CNTN5: variants seen among roughly 807,000 people sequenced by gnomAD.
CNTN5 encodes the protein contactin-5.
Under a neutral mutation model 129.1 loss-of-function variants are expected in CNTN5, and 77 were observed. The ratio of observed to expected loss-of-function variants is 0.60; its 90% CI spans 0.50 to 0.72. The LOEUF is 0.72. CNTN5 is among the 30% of genes least tolerant of loss of function. The pLI, the probability that CNTN5 is intolerant of heterozygous loss-of-function variation, is 0.00. For missense variants in CNTN5, 1,478 were observed against 1,328.8 expected, an observed-to-expected ratio of 1.11 and a Z score of -1.75; for synonymous variants, 509 against 465.6, an observed-to-expected ratio of 1.09 and a Z score of -1.20.
chr11:100,042,923 T>G (rs935098474), intron 9 of CNTN5, among the ~76,000 whole-genome samples: 1 of 152,184 alleles, frequency 6.6e-6, no homozygotes, highest in Non-Finnish European at 1.5e-5. Flanking sequence ...TGAACAGATA[T>G]AATTTCAACA....
intron 2 of CNTN5, among the ~76,000 whole-genome samples, chr11:99,489,120 C>T (rs2135342972): frequency 6.6e-6 from 1 of 152,038 alleles, no homozygotes; most frequent in Admixed American, 6.5e-5. Flanking sequence ...TGCATTTGTA[C>T]AATTGATTAC....
intron 2 of CNTN5, among the ~76,000 whole-genome samples, chr11:99,395,928 C>G (rs950828342): frequency 6.6e-6 from 1 of 151,862 alleles, no homozygotes; most frequent in African/African-American, 2.4e-5. Context: ...CAGTACCATG[C>G]TGTTTTGGTT....
intron 3 of CNTN5, among the ~76,000 whole-genome samples, chr11:99,641,448 A>G (rs1351805719): frequency 2.0e-5 from 3 of 152,140 alleles, no homozygotes; most frequent in Non-Finnish European, 4.4e-5. Flanking sequence ...AACAGGTAGA[A>G]GTTCTCACCT....
chr11:99,088,071 G>A lies in CNTN5; in HGVS notation c.-210+66801G>A, dbSNP rs544540909. Among the ~76,000 whole-genome samples, 116 of 152,300 alleles carry A rather than the reference G, an allele frequency of 7.6e-4. 1 individual carries two copies. Among genetic ancestry groups the A allele is most frequent in the African/African-American group, 2.6e-3 (110 of 41,562 alleles). On this transcript the variant is annotated intron_variant, in intron 1 of 24. Transcript: ENST00000524871. ...AGCCTTTTTGGAGGAGAGGTGCTGA[G>A]AACAGATGTTAAGGGAATATTAAAC... is the stretch of plus-strand genomic sequence containing the variant.
At chr11:99,492,467 A>G (rs1946072869) in intron 2 of CNTN5, among the ~76,000 whole-genome samples, 1 of 152,188 alleles carries the variant, frequency 6.6e-6, no homozygotes. Context: ...GATGACTAAT[A>G]TAACATATTC....
At chr11:100,096,594 G>T (rs1447614986) in intron 13 of CNTN5, among the ~76,000 whole-genome samples, 2 of 151,818 alleles carry the variant, frequency 1.3e-5, no homozygotes, top group Non-Finnish European at 2.9e-5. Flanking sequence ...AGGCCTTATT[G>T]GCCACCAAAA....
intron 13 of CNTN5, among the ~76,000 whole-genome samples, chr11:100,100,261 C>T (rs1379441230): frequency 6.6e-6 from 1 of 151,956 alleles, no homozygotes; most frequent in Non-Finnish European, 1.5e-5. Context: ...ATTTTTATAC[C>T]CATTCTGGAT....
chr11:100,032,097 C>T (rs1202895458), intron 9 of CNTN5, among the ~76,000 whole-genome samples: 1 of 152,172 alleles, frequency 6.6e-6, no homozygotes, highest in African/African-American at 2.4e-5. Context: ...ATACTCTATT[C>T]AACTTGAAAC....
intron 1 of CNTN5, among the ~76,000 whole-genome samples, chr11:99,250,854 T>G (rs1234107734): frequency 6.6e-6 from 1 of 151,916 alleles, no homozygotes; most frequent in Admixed American, 6.6e-5. Context: ...TAATTTCCCT[T>G]ACATCTCTTA....
intron 7 of CNTN5, among the ~76,000 whole-genome samples, chr11:99,922,140 C>A (rs1949954624): frequency 1.3e-5 from 2 of 152,094 alleles, no homozygotes; most frequent in Non-Finnish European, 2.9e-5. Flanking sequence ...ACAATTATGG[C>A]AGAAAGTGAA....
At chr11:99,813,885 T>C (rs1179066260) in intron 3 of CNTN5, among the ~76,000 whole-genome samples, 10 of 151,994 alleles carry the variant, frequency 6.6e-5, no homozygotes, top group Admixed American at 5.9e-4. Context: ...AAGAGAGACA[T>C]TGTGGAATGA....
chr11:99,894,181 C>T (rs1008631797), intron 6 of CNTN5, among the ~76,000 whole-genome samples: 1 of 152,134 alleles, frequency 6.6e-6, no homozygotes, highest in African/African-American at 2.4e-5. Flanking sequence ...ATATATTGCT[C>T]ATGGTGGCAT....
intron 23 of CNTN5, among the ~76,000 whole-genome samples, chr11:100,342,890 G>C (rs546689783): frequency 6.6e-6 from 1 of 152,200 alleles, no homozygotes; most frequent in South Asian, 2.1e-4. Flanking sequence ...TCAAATCCTA[G>C]TTGAGTAATT....
chr11:99,086,063 T>C (rs1371724766), intron 1 of CNTN5, among the ~76,000 whole-genome samples: 4 of 152,254 alleles, frequency 2.6e-5, no homozygotes, highest in Non-Finnish European at 5.9e-5. Flanking sequence ...TTGAGCACTT[T>C]AGTACTGCAT....
intron 23 of CNTN5, among the ~76,000 whole-genome samples, chr11:100,348,513 T>G (rs1952335646): frequency 6.6e-6 from 1 of 152,070 alleles, no homozygotes; most frequent in Non-Finnish European, 1.5e-5. Flanking sequence ...ACATTAGATA[T>G]GCATTGCTGG....
intron 1 of CNTN5, among the ~76,000 whole-genome samples, chr11:99,037,711 C>T (rs1863814047): frequency 6.6e-6 from 1 of 150,902 alleles, no homozygotes; most frequent in African/African-American, 2.4e-5. Context: ...TCCCAAGTAG[C>T]TGGGATTACA....
chr11:100,341,087 T>C lies in CNTN5; in HGVS notation c.2918-6T>C. ...TGTCAGTTCACTTTCACTTTTTATT[T>C]TGCAGCTCCTAGTCAAGCACCTAGC... On this transcript the variant is annotated splice_region_variant and splice_polypyrimidine_tract_variant and intron_variant, in intron 22 of 24. Transcript: ENST00000524871. 6.3e-7 allele frequency: 1 copy of C among 1,595,902 alleles called. No individual in the cohort carries two copies. The highest frequency in any genetic ancestry group is 1.7e-5 in the Admixed American group (1 of 59,578).
chr11:100,092,946 C>T (rs1384808288), intron 13 of CNTN5, among the ~76,000 whole-genome samples: 2 of 152,068 alleles, frequency 1.3e-5, no homozygotes, highest in African/African-American at 4.8e-5. Flanking sequence ...TTCTGAGTTT[C>T]GCAGATCCCT....
intron 13 of CNTN5, among the ~76,000 whole-genome samples, chr11:100,129,784 G>C (rs1020929787): frequency 1.3e-5 from 2 of 151,972 alleles, no homozygotes; most frequent in Non-Finnish European, 2.9e-5. Context: ...AATCACATGT[G>C]AAAGCTACAA....
Sources: gnomAD v4.1 joint callset for allele counts (sites outside exome capture counted in the v4.1 genomes callset) on GRCh38, gnomAD v4.1.1 for gene constraint, MANE v1.5 for transcripts, NCBI Gene and HGNC (gene_info 2026-07-23, HGNC 2026-07-21) for gene names.